The following AUTS2 variants were observed in gnomAD, a reference collection of about 807,000 sequenced individuals.
AUTS2 encodes the protein autism susceptibility gene 2 protein.
A neutral mutation model predicts 112.4 loss-of-function variants in AUTS2; 17 were observed. That is an observed-to-expected ratio of 0.15 (90% CI 0.10 to 0.23). The LOEUF (loss-of-function observed/expected upper bound fraction) is 0.23, where lower values mean the gene tolerates loss of function less well. AUTS2 is among the 10% of genes least tolerant of loss of function. The pLI, the probability that AUTS2 is intolerant of heterozygous loss-of-function variation, is 1.00. For synonymous variants in AUTS2, 751 were observed against 702.7 expected, an observed-to-expected ratio of 1.07 and a Z score of -1.09; for missense variants, 1,510 against 1,701.6, an observed-to-expected ratio of 0.89 and a Z score of 1.98.
intron 5 of AUTS2, among the ~76,000 whole-genome samples, chr7:70,585,924 G>A (rs994605116): frequency 2.6e-5 from 4 of 151,828 alleles, no homozygotes; most frequent in Admixed American, 6.6e-5. Context: ...GTGCAACGGC[G>A]CGATCTCGGC....
At chr7:69,818,216 G>T (rs1334192016) in intron 1 of AUTS2, among the ~76,000 whole-genome samples, 4 of 152,294 alleles carry the variant, frequency 2.6e-5, no homozygotes, top group Admixed American at 2.6e-4. Context: ...TTATGTCCCC[G>T]CTGAAGCCGT....
intron 3 of AUTS2, among the ~76,000 whole-genome samples, chr7:70,124,657 G>A (rs913550269): frequency 6.6e-6 from 1 of 151,964 alleles, no homozygotes; most frequent in African/African-American, 2.4e-5. Context: ...CCGACTCCCT[G>A]GTTCAAGTGA....
chr7:70,579,903 C>T (rs142239986), intron 5 of AUTS2, among the ~76,000 whole-genome samples: 76 of 152,256 alleles, frequency 5.0e-4, no homozygotes, highest in African/African-American at 1.7e-3. Flanking sequence ...AAACATGATT[C>T]ATAATCAGTC....
intron 12 of AUTS2, 44 bp from the exon 13 acceptor site, chr7:70,775,313 T>C (rs773862555): frequency 1.9e-6 from 3 of 1,577,066 alleles, no homozygotes; most frequent in Non-Finnish European, 2.6e-6. Context: ...GAGCAATTGT[T>C]TGAGTGACAG....
chr7:70,056,915 G>C (rs1321918545), intron 2 of AUTS2, among the ~76,000 whole-genome samples: 1 of 152,190 alleles, frequency 6.6e-6, no homozygotes, highest in Non-Finnish European at 1.5e-5. Flanking sequence ...AAACCTTTCT[G>C]TTCCTACATT....
In AUTS2 at chr7:69,633,372, G is replaced by A. The variant is rs141128122; in HGVS notation, c.309+33410G>A. On this transcript the variant is annotated intron_variant, in intron 1 of 18. Coordinates refer to ENST00000342771, the MANE Select transcript of AUTS2 (RefSeq NM_015570.4). ...TTGCCTGTCGACAGATGCTTAGGTT[G>A]TCTCCATATCTTATGAATAATCCTT... is the stretch of plus-strand genomic sequence containing the variant. Among the ~76,000 whole-genome samples the A allele has an allele frequency of 1.1e-3, 162 of 152,140 alleles. 2 individuals are homozygous for A. The East Asian group carries it at 0.026, about 25-fold the overall frequency.
At chr7:70,168,965 T>A (rs1197977000) in intron 4 of AUTS2, among the ~76,000 whole-genome samples, 2 of 151,972 alleles carry the variant, frequency 1.3e-5, no homozygotes, top group East Asian at 1.9e-4. Context: ...GAAAAAAAAA[T>A]TGGTTTGCAG....
chr7:69,954,469 A>C (rs1412099201), intron 2 of AUTS2, among the ~76,000 whole-genome samples: 1 of 152,076 alleles, frequency 6.6e-6, no homozygotes, highest in African/African-American at 2.4e-5. Flanking sequence ...TTAGAGATGA[A>C]GTCTAGCTTT....
At chr7:70,401,784 C>A (rs1316054497) in intron 4 of AUTS2, among the ~76,000 whole-genome samples, 1 of 152,198 alleles carries the variant, frequency 6.6e-6, no homozygotes, top group Non-Finnish European at 1.5e-5. Context: ...GCTCCTCTGC[C>A]ATCCTTCCAC....
intron 2 of AUTS2, among the ~76,000 whole-genome samples, chr7:69,936,843 T>C (rs1796432647): frequency 6.6e-6 from 1 of 152,210 alleles, no homozygotes; most frequent in African/African-American, 2.4e-5. Flanking sequence ...ATTATCTCAC[T>C]AAACTTGAGA....
chr7:69,658,624 T>C (rs1421014386), intron 1 of AUTS2, among the ~76,000 whole-genome samples: 4 of 152,212 alleles, frequency 2.6e-5, no homozygotes. Flanking sequence ...AGAAATGGCA[T>C]GACTCTTCAT....
intron 4 of AUTS2, among the ~76,000 whole-genome samples, chr7:70,231,435 T>A (rs1812041936): frequency 6.6e-6 from 1 of 151,844 alleles, no homozygotes. Flanking sequence ...TCTGTGTGGT[T>A]TTTTTGTTTT....
At chr7:70,357,966 T>C (rs928921574) in intron 4 of AUTS2, among the ~76,000 whole-genome samples, 5 of 143,078 alleles carry the variant, frequency 3.5e-5, no homozygotes, top group African/African-American at 5.6e-5. Flanking sequence ...CTTTAGACCA[T>C]TGAGAGCATG....
chr7:70,130,032 G>C (rs766249792), intron 3 of AUTS2, among the ~76,000 whole-genome samples: 1 of 151,978 alleles, frequency 6.6e-6, no homozygotes, highest in Non-Finnish European at 1.5e-5. Context: ...AGCTTGTTTT[G>C]TGACCTTTGC....
At chr7:69,711,325 AAG>A (rs1271800132) in intron 1 of AUTS2, among the ~76,000 whole-genome samples, 1 of 152,158 alleles carries the variant, frequency 6.6e-6, no homozygotes, top group Non-Finnish European at 1.5e-5. Flanking sequence ...ATCAGAGAAA[AAG>A]AGAAAAGAGC....
chr7:70,495,345 G>C (rs1023270571), intron 5 of AUTS2, among the ~76,000 whole-genome samples: 2 of 151,610 alleles, frequency 1.3e-5, no homozygotes, highest in African/African-American at 4.9e-5. Context: ...CAAAGAACCA[G>C]GATTAATCTC....
chr7:70,425,933 T>G (rs1234461684), intron 4 of AUTS2, among the ~76,000 whole-genome samples: 1 of 152,334 alleles, frequency 6.6e-6, no homozygotes, highest in East Asian at 1.9e-4. Context: ...TTATTACATA[T>G]GTACTTATAC....
intron 5 of AUTS2, among the ~76,000 whole-genome samples, chr7:70,668,601 C>A (rs1196806591): frequency 6.6e-6 from 1 of 152,214 alleles, no homozygotes; most frequent in African/African-American, 2.4e-5. Flanking sequence ...ATCTAGAGAT[C>A]CTGACAGGCA....
intron 4 of AUTS2, among the ~76,000 whole-genome samples, chr7:70,259,201 G>A (rs548699694): frequency 6.6e-6 from 1 of 152,122 alleles, no homozygotes; most frequent in East Asian, 1.9e-4. Flanking sequence ...CTGTCACAGA[G>A]CCTTCCTTCT....
Sources: allele counts gnomAD v4.1 joint callset (sites outside exome capture counted in the v4.1 genomes callset), GRCh38; gene constraint gnomAD v4.1.1; transcripts MANE v1.5; gene names NCBI Gene and HGNC (gene_info 2026-07-23, HGNC 2026-07-21).